Variants in LHFPL3 observed in about 807,000 individuals in gnomAD.
LHFPL3 encodes the protein LHFPL tetraspan subfamily member 3, also known as LHFPL tetraspan subfamily member 3 protein.
LHFPL3 carries 5 observed loss-of-function variants against 19.3 expected under a neutral mutation model. The observed-to-expected ratio is 0.26, with a 90% CI of 0.14 to 0.54. LHFPL3 has a LOEUF of 0.54. Ranked by LOEUF, LHFPL3 falls within the 20% of genes least tolerant of loss-of-function variation. The pLI is 0.94. For missense variants in LHFPL3, 249 were observed against 307.4 expected (o/e 0.81, Z 1.42); for synonymous variants, 133 against 126.2 (o/e 1.05, Z -0.36).
At chr7:104,663,424 T>C (rs1792268729) in intron 1 of LHFPL3, among the ~76,000 whole-genome samples, 1 of 152,230 alleles carries the variant, frequency 6.6e-6, no homozygotes, top group Non-Finnish European at 1.5e-5. Context: ...CTAAAGATCA[T>C]GCAGCGATTC....
At chr7:104,433,064 T>C (rs1792032080) in intron 1 of LHFPL3, among the ~76,000 whole-genome samples, 1 of 152,186 alleles carries the variant, frequency 6.6e-6, no homozygotes, top group South Asian at 2.1e-4. Flanking sequence ...GTTTATATGG[T>C]TTATATATAG....
intron 1 of LHFPL3, among the ~76,000 whole-genome samples, chr7:104,599,578 G>A (rs973936057): frequency 1.4e-4 from 22 of 152,134 alleles, no homozygotes; most frequent in African/African-American, 5.3e-4. Flanking sequence ...CATTTTCTGA[G>A]CACCTTTTAT....
intron 1 of LHFPL3, among the ~76,000 whole-genome samples, chr7:104,609,224 C>G (rs1192752820): frequency 6.6e-6 from 1 of 150,716 alleles, no homozygotes; most frequent in Non-Finnish European, 1.5e-5. Context: ...GAGACCGTGC[C>G]ACTACACTCC....
chr7:104,714,033 T>A (rs1449789290), intron 1 of LHFPL3, among the ~76,000 whole-genome samples: 1 of 152,212 alleles, frequency 6.6e-6, no homozygotes, highest in Non-Finnish European at 1.5e-5. Context: ...TCTAGGGAAG[T>A]CGTTCTGATC....
intron 1 of LHFPL3, among the ~76,000 whole-genome samples, chr7:104,672,665 A>G (rs1352798385): frequency 6.6e-6 from 1 of 152,158 alleles, no homozygotes; most frequent in East Asian, 1.9e-4. Flanking sequence ...ATCCGAGTAT[A>G]ATGAGGTATC....
chr7:104,467,034 C>G (rs1584339934), intron 1 of LHFPL3, among the ~76,000 whole-genome samples: 1 of 152,188 alleles, frequency 6.6e-6, no homozygotes, highest in East Asian at 1.9e-4. Context: ...TCCTCTTTAG[C>G]TTTGCATTCG....
chr7:104,516,361 C>T (rs920608250), intron 1 of LHFPL3, among the ~76,000 whole-genome samples: 1 of 152,060 alleles, frequency 6.6e-6, no homozygotes, highest in Non-Finnish European at 1.5e-5. Context: ...ATGGGAAGTA[C>T]AATTCAAGAT....
At chr7:104,529,675 G>T (rs891059722) in intron 1 of LHFPL3, among the ~76,000 whole-genome samples, 2 of 152,132 alleles carry the variant, frequency 1.3e-5, no homozygotes, top group Non-Finnish European at 2.9e-5. Context: ...GTTGATTAAT[G>T]GCACAGTTGG....
At chr7:104,608,449 G>C (rs1178687931) in intron 1 of LHFPL3, among the ~76,000 whole-genome samples, 4 of 133,848 alleles carry the variant, frequency 3.0e-5, no homozygotes, top group Non-Finnish European at 4.6e-5. Flanking sequence ...TGAACAACGA[G>C]AACACATGGA....
chr7:104,605,156 G>T (rs1791068832), intron 1 of LHFPL3, among the ~76,000 whole-genome samples: 1 of 152,044 alleles, frequency 6.6e-6, no homozygotes, highest in South Asian at 2.1e-4. Flanking sequence ...TAATCCACGG[G>T]AAATATTTTA....
chr7:104,430,452 ATATTTTTTTTTTTTTTTT>A (rs1168926635), intron 1 of LHFPL3, among the ~76,000 whole-genome samples: 3 of 19,338 alleles, frequency 1.6e-4, no homozygotes, highest in African/African-American at 2.9e-4. Flanking sequence ...ATATATATAT[ATATTTTTTTTTTTTTTTT>A]TTTTTTTTTT....
chr7:104,519,416 AACT>A, intron 1 of LHFPL3, among the ~76,000 whole-genome samples: 1 of 152,276 alleles, frequency 6.6e-6, no homozygotes, highest in East Asian at 1.9e-4. Flanking sequence ...AAGGAAATTA[AACT>A]TTATGTGTTG....
chr7:104,865,555 C>A (rs1165317329), intron 2 of LHFPL3, among the ~76,000 whole-genome samples: 1 of 152,188 alleles, frequency 6.6e-6, no homozygotes, highest in East Asian at 1.9e-4. Context: ...AACAAAGCCT[C>A]CAAGAAATAT....
intron 1 of LHFPL3, among the ~76,000 whole-genome samples, chr7:104,439,375 TA>T (rs1215005366): frequency 7.6e-6 from 1 of 131,262 alleles, no homozygotes; most frequent in East Asian, 2.2e-4. Flanking sequence ...ATATTCCTCA[TA>T]AACATAGAAA....
intron 2 of LHFPL3, among the ~76,000 whole-genome samples, chr7:104,846,707 C>T (rs1257435907): frequency 6.6e-6 from 1 of 152,154 alleles, no homozygotes; most frequent in Non-Finnish European, 1.5e-5. Flanking sequence ...TGCACACTAC[C>T]AGGAGAGCCT....
intron 1 of LHFPL3, among the ~76,000 whole-genome samples, chr7:104,545,209 A>G (rs1339507947): frequency 1.3e-5 from 2 of 152,152 alleles, no homozygotes; most frequent in Admixed American, 6.6e-5. Flanking sequence ...TAGTATCCTC[A>G]TATTTCTCTA....
chr7:104,427,378 T>G (rs1451562320), intron 1 of LHFPL3, among the ~76,000 whole-genome samples: 1 of 152,166 alleles, frequency 6.6e-6, no homozygotes. Context: ...CCTAAGAAAT[T>G]AACAGTGAAG....
chr7:104,857,725 T>C (rs910972269), intron 2 of LHFPL3, among the ~76,000 whole-genome samples: 4 of 152,248 alleles, frequency 2.6e-5, no homozygotes, highest in Admixed American at 6.5e-5. Flanking sequence ...ATCTGGAGAA[T>C]TGTAATTTTT....
At chr7:104,382,627 G>A (rs916459629) in intron 1 of LHFPL3, among the ~76,000 whole-genome samples, 1 of 152,188 alleles carries the variant, frequency 6.6e-6, no homozygotes, top group African/African-American at 2.4e-5. Context: ...CCAAGTTTGA[G>A]TACCACTGAC....
Sources: gnomAD v4.1 joint callset for allele counts (sites outside exome capture counted in the v4.1 genomes callset) on GRCh38, gnomAD v4.1.1 for gene constraint, MANE v1.5 for transcripts, NCBI Gene and HGNC (gene_info 2026-07-23, HGNC 2026-07-21) for gene names.